The following ZFPM2 variants were observed in gnomAD, a reference collection of about 807,000 sequenced individuals.
ZFPM2 encodes the protein zinc finger protein, FOG family member 2, also known as zinc finger protein ZFPM2.
Under a neutral mutation model 98.6 loss-of-function variants are expected in ZFPM2, and 20 were observed. The ratio of observed to expected loss-of-function variants is 0.20; its 90% CI spans 0.14 to 0.29. The LOEUF (loss-of-function observed/expected upper bound fraction) is 0.29, where lower values mean the gene tolerates loss of function less well. ZFPM2 is among the 10% of genes least tolerant of loss of function. ZFPM2 has a pLI of 1.00. For missense variants in ZFPM2, 1,310 were observed against 1,388.6 expected, an observed-to-expected ratio of 0.94 and a Z score of 0.90; for synonymous variants, 518 against 502.7, an observed-to-expected ratio of 1.03 and a Z score of -0.41.
Position 105,499,849 on chromosome 8 carries a change from T to C in ZFPM2, c.301+55468T>C, listed in dbSNP as rs150731944. On this transcript the variant is annotated intron_variant, in intron 3 of 7. Transcript: ENST00000407775. ...GGTTGGGGGAAGTTTGGAGCATGGG[T>C]GATTAGAAATGTAGGATTTGCAATG... Among the ~76,000 whole-genome samples, 372 of 152,218 alleles carry C rather than the reference T, an allele frequency of 2.4e-3. 3 individuals are homozygous for C. The highest frequency in any genetic ancestry group is 7.2e-3 in the African/African-American group (300 of 41,544).
In ZFPM2 at chr8:105,489,466, A is replaced by ATATTT. The variant is rs1554610604; in HGVS notation, c.301+45086_301+45087insATTTT. Among the ~76,000 whole-genome samples, 146 of 119,772 alleles carry ATATTT rather than the reference A, an allele frequency of 1.2e-3. 2 individuals carry two copies. The highest frequency in any genetic ancestry group is 5.0e-3 in the African/African-American group (137 of 27,622). 78.6% of individuals were successfully genotyped at this position (119,772 alleles called of 152,430 possible). A position where few individuals can be genotyped will look rare whatever the true frequency, so the allele number is the denominator to read the frequency against. ...TATGTTTTTATATATATATATATAT[A>ATATTT]TTTTTTTTTTTTTTTGAGATGGAAT... On this transcript the variant is annotated intron_variant, in intron 3 of 7. Coordinates refer to ENST00000407775, the MANE Select transcript of ZFPM2 (RefSeq NM_012082.4).
intron 5 of ZFPM2, chr8:105,787,024 G>A (rs1467735712): frequency 1.3e-5 from 2 of 152,168 alleles, no homozygotes; most frequent in Non-Finnish European, 1.5e-5. Context: ...TCAATAAACT[G>A]TATTTCAGTG....
chr8:105,802,406 A>T lies in ZFPM2; in HGVS notation c.2324A>T (p.Glu775Val). ...AATAATCCTTGTACCTCCACTCAAG[A>T]ACCCACAGAAGGGCTAGGAGAGTGC... ...NLNNPCTSTQ[E>V]PTEGLGECYH... Residue 775 changes from glutamate (E) to valine (V), a missense_variant, in exon 8 of 8, where the codon GAA (glutamate) becomes GTA (valine). Coordinates refer to ENST00000407775, the MANE Select transcript of ZFPM2 (RefSeq NM_012082.4). 6.2e-7 allele frequency: 1 copy of T among 1,613,814 alleles called. No individual in the cohort carries two copies. The highest frequency in any genetic ancestry group is 8.5e-7 in the Non-Finnish European group (1 of 1,179,866).
chr8:105,577,576 T>G (rs948815122), intron 4 of ZFPM2, among the ~76,000 whole-genome samples: 4 of 152,134 alleles, frequency 2.6e-5, no homozygotes, highest in Non-Finnish European at 4.4e-5. Context: ...TTATTTTTCT[T>G]ATAATTTCAT....
intron 5 of ZFPM2, among the ~76,000 whole-genome samples, chr8:105,701,808 G>C (rs1443016385): frequency 6.6e-6 from 1 of 152,116 alleles, no homozygotes; most frequent in Non-Finnish European, 1.5e-5. Context: ...TCAAAAATGA[G>C]TATATATATT....
chr8:105,778,847 A>AC (rs1173692614), intron 5 of ZFPM2, among the ~76,000 whole-genome samples: 1 of 151,300 alleles, frequency 6.6e-6, no homozygotes, highest in Non-Finnish European at 1.5e-5. Context: ...CACAAAAATT[A>AC]CCCATGGTAA....
chr8:105,421,143 CAG>C (rs1811784512), intron 2 of ZFPM2, among the ~76,000 whole-genome samples: 3 of 152,034 alleles, frequency 2.0e-5, no homozygotes, highest in Non-Finnish European at 4.4e-5. Context: ...CTATACTAAT[CAG>C]AGTCTTAACT....
intron 5 of ZFPM2, among the ~76,000 whole-genome samples, chr8:105,778,744 T>G (rs1813169406): frequency 6.6e-6 from 1 of 152,146 alleles, no homozygotes; most frequent in Non-Finnish European, 1.5e-5. Flanking sequence ...TGTAGCAATT[T>G]AGTATATGGT....
At chr8:105,656,915 G>A (rs903579728) in intron 5 of ZFPM2, among the ~76,000 whole-genome samples, 1 of 152,050 alleles carries the variant, frequency 6.6e-6, no homozygotes, top group African/African-American at 2.4e-5. Flanking sequence ...TCAATGCCTG[G>A]CTAATAATAG....
intron 1 of ZFPM2, among the ~76,000 whole-genome samples, chr8:105,329,750 A>T (rs1475468816): frequency 6.6e-6 from 1 of 151,766 alleles, no homozygotes; most frequent in Non-Finnish European, 1.5e-5. Context: ...TGCACAACAC[A>T]GACATGTCAG....
chr8:105,724,002 C>T (rs1331591712), intron 5 of ZFPM2, among the ~76,000 whole-genome samples: 2 of 151,646 alleles, frequency 1.3e-5, no homozygotes, highest in African/African-American at 2.4e-5. Context: ...AAAGCCAAAA[C>T]TCTGTCTAAA....
At chr8:105,485,907 A>G (rs1395747274) in intron 3 of ZFPM2, among the ~76,000 whole-genome samples, 1 of 152,142 alleles carries the variant, frequency 6.6e-6, no homozygotes, top group Non-Finnish European at 1.5e-5. Context: ...AATTTAAGGC[A>G]TTACCGGTGA....
At chr8:105,433,376 T>C (rs1439745341) in intron 2 of ZFPM2, among the ~76,000 whole-genome samples, 1 of 152,208 alleles carries the variant, frequency 6.6e-6, no homozygotes, top group Non-Finnish European at 1.5e-5. Flanking sequence ...TCCTCAGTTA[T>C]CAATACTTTA....
intron 2 of ZFPM2, among the ~76,000 whole-genome samples, chr8:105,422,303 G>C (rs1811811458): frequency 6.6e-6 from 1 of 152,012 alleles, no homozygotes; most frequent in Non-Finnish European, 1.5e-5. Flanking sequence ...TGGGTGTGGT[G>C]GTGGGTGCCT....
chr8:105,568,226 C>T (rs1747091693), intron 4 of ZFPM2, among the ~76,000 whole-genome samples: 1 of 152,038 alleles, frequency 6.6e-6, no homozygotes, highest in Non-Finnish European at 1.5e-5. Context: ...TGCAAGCTTT[C>T]CCATTTAATT....
chr8:105,338,806 A>T (rs1208797974), intron 1 of ZFPM2, among the ~76,000 whole-genome samples: 1 of 151,908 alleles, frequency 6.6e-6, no homozygotes, highest in Non-Finnish European at 1.5e-5. Flanking sequence ...GGCATATTGA[A>T]TATACTGGTA....
At chr8:105,411,169 T>G (rs1811569225) in intron 1 of ZFPM2, among the ~76,000 whole-genome samples, 1 of 151,906 alleles carries the variant, frequency 6.6e-6, no homozygotes, top group South Asian at 2.1e-4. Context: ...ATCCTTATTT[T>G]GGTAAATATT....
At chr8:105,354,269 A>C (rs1011980065) in intron 1 of ZFPM2, among the ~76,000 whole-genome samples, 7 of 152,274 alleles carry the variant, frequency 4.6e-5, no homozygotes, top group Non-Finnish European at 8.8e-5. Context: ...AAAGGACAGT[A>C]CTTTGAATGT....
intron 5 of ZFPM2, among the ~76,000 whole-genome samples, chr8:105,656,629 C>G (rs1817291056): frequency 1.3e-5 from 2 of 152,154 alleles, no homozygotes; most frequent in African/African-American, 2.4e-5. Context: ...TTAATGGGAA[C>G]TCCTTGCTTC....
Sources: gnomAD v4.1 joint callset for allele counts (sites outside exome capture counted in the v4.1 genomes callset) on GRCh38, gnomAD v4.1.1 for gene constraint, MANE v1.5 for transcripts, NCBI Gene and HGNC (gene_info 2026-07-23, HGNC 2026-07-21) for gene names.